The following MTA3 variants were observed in gnomAD, a reference collection of about 807,000 sequenced individuals.
MTA3 encodes metastasis-associated protein MTA3.
MTA3 carries 34 observed loss-of-function variants against 83.5 expected under a neutral mutation model. The ratio of observed to expected loss-of-function variants is 0.41; its 90% confidence interval spans 0.31 to 0.54. The LOEUF is 0.54. Among genes scored for constraint, MTA3 ranks in the 20% least tolerant of loss-of-function variants. The pLI is 0.33. For missense variants in MTA3, 761 were observed against 726.4 expected, an observed-to-expected ratio of 1.05 and a Z score of -0.55; for synonymous variants, 303 against 252.7, an observed-to-expected ratio of 1.20 and a Z score of -1.89.
chr2:42,704,275 G>T lies in MTA3; in HGVS notation c.1107G>T (p.Gln369His). The T allele has an allele frequency of 6.2e-7, 1 of 1,613,998 alleles. No individual in the cohort carries two copies. Among genetic ancestry groups the T allele is most frequent in the African/African-American group, 1.3e-5 (1 of 75,054 alleles). ...ATGGAGCTGTGGGGACCACGTTCCA[G>T]CCTCAGAATCCTCTCTTAGGGAGAG... Reference protein sequence around the residue: ...AVNGAVGTTFQPQNPLLGRAC... With the variant: ...AVNGAVGTTFHPQNPLLGRAC... Residue 369 changes from glutamine to histidine, a missense_variant, in exon 12 of 17, where the codon CAG becomes CAT. Transcript: ENST00000405094.
At chr2:42,656,736 AACCTGGCT>A (rs1363531694) in intron 7 of MTA3, among the ~76,000 whole-genome samples, 2 of 152,238 alleles carry the variant, frequency 1.3e-5, no homozygotes, top group African/African-American at 4.8e-5. Context: ...GAGAGCTTTC[AACCTGGCT>A]ACCTGGCTGG....
intron 2 of MTA3, among the ~76,000 whole-genome samples, chr2:42,542,271 G>C (rs1323285746): frequency 6.6e-6 from 1 of 152,198 alleles, no homozygotes; most frequent in Non-Finnish European, 1.5e-5. Flanking sequence ...TCTCTGCGAA[G>C]GGGATGGGAA....
At chr2:42,707,431 TAG>T (rs1431569960) in intron 12 of MTA3, among the ~76,000 whole-genome samples, 3 of 152,006 alleles carry the variant, frequency 2.0e-5, no homozygotes, top group Non-Finnish European at 1.5e-5. Flanking sequence ...GTGTTTTCAG[TAG>T]AGACGGGGTT....
intron 9 of MTA3, among the ~76,000 whole-genome samples, chr2:42,684,483 T>C (rs2104442971): frequency 6.6e-6 from 1 of 152,344 alleles, no homozygotes; most frequent in Middle Eastern, 3.4e-3. Context: ...TTTAAATTTG[T>C]AGGATGCGCA....
intron 2 of MTA3, among the ~76,000 whole-genome samples, chr2:42,573,517 TTTG>T (rs1022087931): frequency 6.3e-4 from 96 of 152,214 alleles, no homozygotes; most frequent in African/African-American, 2.2e-3. Flanking sequence ...TGGCTAATTT[TTTG>T]TTGTTGTTGC....
chr2:42,582,498 A>C (rs1332305786), intron 3 of MTA3, among the ~76,000 whole-genome samples: 1 of 152,206 alleles, frequency 6.6e-6, no homozygotes, highest in Non-Finnish European at 1.5e-5. Flanking sequence ...TCTAAAAAGC[A>C]ATATCTTGGC....
At chr2:42,688,444 T>G (rs1349422175) in intron 9 of MTA3, among the ~76,000 whole-genome samples, 3 of 152,180 alleles carry the variant, frequency 2.0e-5, no homozygotes, top group Admixed American at 6.5e-5. Context: ...TTCATTTCGG[T>G]TTTAATTTGC....
Position 42,630,093 on chromosome 2 carries a change from T to A in MTA3, c.318-10080T>A, listed in dbSNP as rs117598997. Reference sequence around the variant, plus strand: ...ACCCGGCAAAAAACAATTTAAGCGATCCTTAAATAAAAGCCTTATGATTCT... The same window carrying A: ...ACCCGGCAAAAAACAATTTAAGCGAACCTTAAATAAAAGCCTTATGATTCT... On this transcript the variant is annotated intron_variant, in intron 4 of 16. Coordinates refer to ENST00000405094, the MANE Select transcript of MTA3 (RefSeq NM_001330442.2). 7.9e-4 allele frequency among the ~76,000 whole-genome samples: 121 copies of A among 152,236 alleles called. 1 individual carries two copies. The East Asian group carries it at 0.02, about 26-fold the overall frequency.
chr2:42,719,377 C>T (rs888772003), intron 15 of MTA3, among the ~76,000 whole-genome samples: 6 of 152,142 alleles, frequency 3.9e-5, no homozygotes, highest in Non-Finnish European at 8.8e-5. Context: ...GAAAAGCATT[C>T]AGTTAGTACT....
chr2:42,726,315 T>C (rs1667812174), intron 16 of MTA3, among the ~76,000 whole-genome samples: 1 of 151,726 alleles, frequency 6.6e-6, no homozygotes. Flanking sequence ...CCTCCTCCAC[T>C]CACCCTCTAC....
intron 2 of MTA3, among the ~76,000 whole-genome samples, chr2:42,524,933 C>G (rs376652946): frequency 6.7e-6 from 1 of 149,212 alleles, no homozygotes; most frequent in Non-Finnish European, 1.5e-5. Flanking sequence ...GTTGAATTAC[C>G]GAAGGTGAAG....
At chr2:42,710,396 C>T (rs181791510) in intron 14 of MTA3, among the ~76,000 whole-genome samples, 111 of 151,618 alleles carry the variant, frequency 7.3e-4, no homozygotes, top group African/African-American at 2.7e-3. Flanking sequence ...ACTAAATATA[C>T]AAAAATTAGC....
intron 2 of MTA3, among the ~76,000 whole-genome samples, chr2:42,534,142 T>C (rs542209757): frequency 1.3e-5 from 2 of 152,134 alleles, no homozygotes; most frequent in African/African-American, 2.4e-5. Context: ...CTTTTCTTGG[T>C]GGAAGATCCT....
chr2:42,521,267 A>G (rs1214937026), intron 2 of MTA3, among the ~76,000 whole-genome samples: 3 of 152,088 alleles, frequency 2.0e-5, no homozygotes, highest in Admixed American at 2.0e-4. Flanking sequence ...CGCAGAAAGG[A>G]ACTGACATCT....
chr2:42,650,360 T>G (rs923269845), intron 6 of MTA3, among the ~76,000 whole-genome samples: 1 of 152,250 alleles, frequency 6.6e-6, no homozygotes, highest in African/African-American at 2.4e-5. Context: ...ATTATAATAC[T>G]ATGTACATTT....
At chr2:42,583,588 C>T (rs1245410422) in intron 3 of MTA3, among the ~76,000 whole-genome samples, 2 of 152,090 alleles carry the variant, frequency 1.3e-5, no homozygotes, top group Non-Finnish European at 2.9e-5. Flanking sequence ...GGCTGGAGTG[C>T]AGTGGCACAA....
At chr2:42,625,521 C>T (rs887121530) in intron 4 of MTA3, among the ~76,000 whole-genome samples, 6 of 150,116 alleles carry the variant, frequency 4.0e-5, no homozygotes, top group African/African-American at 5.0e-5. Context: ...CCGAGGTGGG[C>T]GGATCATGAG....
At chr2:42,508,451 C>A (rs1249049247) in intron 2 of MTA3, among the ~76,000 whole-genome samples, 1 of 152,022 alleles carries the variant, frequency 6.6e-6, no homozygotes, top group African/African-American at 2.4e-5. Context: ...CCCACCTCAG[C>A]CCCCTGAGCA....
chr2:42,569,449 TTC>T (rs1327982475), intron 1 of MTA3: 1 of 151,536 alleles, frequency 6.6e-6, no homozygotes, highest in Non-Finnish European at 1.5e-5. Flanking sequence ...CAAACAAACT[TTC>T]TCCCTACTCA....
Sources: allele counts gnomAD v4.1 joint callset (sites outside exome capture counted in the v4.1 genomes callset), GRCh38; gene constraint gnomAD v4.1.1; transcripts MANE v1.5; gene names NCBI Gene and HGNC (gene_info 2026-07-23, HGNC 2026-07-21).